Variants in SYBU observed in about 807,000 individuals in gnomAD.
SYBU encodes the protein GOLSYN A protein.
Under a neutral mutation model 35.9 loss-of-function variants are expected in SYBU, and 21 were observed. The observed-to-expected ratio is 0.58, with a 90% CI of 0.41 to 0.84. SYBU has a LOEUF of 0.84. Among genes scored for constraint, SYBU ranks in the 40% least tolerant of loss-of-function variants. SYBU has a pLI of 0.00. For synonymous variants in SYBU, 319 were observed against 324.3 expected (o/e 0.98, Z 0.18); for missense variants, 768 against 848.2 (o/e 0.91, Z 1.17).
chr8:109,669,599 T>C (rs1165372261), intron 1 of SYBU, among the ~76,000 whole-genome samples: 2 of 152,290 alleles, frequency 1.3e-5, no homozygotes, highest in Admixed American at 6.5e-5. Flanking sequence ...TAAATTCACT[T>C]ATACCAATTA....
rs150956392 is a variant in SYBU, at chr8:109,574,999, C to T, written c.1899G>A (p.Thr633=). The T allele has an allele frequency of 1.4e-4, 215 of 1,581,186 alleles. No individual in the cohort carries two copies. In the African/African-American group the frequency reaches 2.2e-3, roughly 16 times the overall value. Residue 633 remains threonine, a synonymous_variant, in exon 7 of 7, where the codon ACG becomes ACA. Coordinates refer to ENST00000276646, the MANE Select transcript of SYBU (RefSeq NM_001099754.2). ...AGGCCCCGATGTTATACACAGGATC[C>T]GTTCCCCCTCTCTGAGTACTGAATG... ...LWAFSTQRGG[T]DPVYNIGALL... is the part of the protein sequence containing the mutation.
chr8:109,622,279 T>A (rs1812510576), intron 2 of SYBU, among the ~76,000 whole-genome samples: 1 of 152,090 alleles, frequency 6.6e-6, no homozygotes, highest in African/African-American at 2.4e-5. Flanking sequence ...TCGCCTAGGC[T>A]GCAGTGCAGT....
chr8:109,577,221 C>T (rs950658500), intron 6 of SYBU, among the ~76,000 whole-genome samples: 3 of 152,126 alleles, frequency 2.0e-5, no homozygotes, highest in African/African-American at 4.8e-5. Flanking sequence ...CCACCCTCAC[C>T]CTGAGCTCAC....
intron 1 of SYBU, among the ~76,000 whole-genome samples, chr8:109,650,759 T>A (rs1816097608): frequency 1.3e-5 from 2 of 152,232 alleles, no homozygotes. Flanking sequence ...CATGTGTCCT[T>A]TTTAGCTACT....
intron 1 of SYBU, among the ~76,000 whole-genome samples, chr8:109,675,200 A>C (rs2130772835): frequency 6.6e-6 from 1 of 152,342 alleles, no homozygotes; most frequent in East Asian, 1.9e-4. Flanking sequence ...CAGATCTAAA[A>C]TTGACACCCT....
At chr8:109,655,509 A>C (rs1195393876) in intron 1 of SYBU, among the ~76,000 whole-genome samples, 1 of 152,234 alleles carries the variant, frequency 6.6e-6, no homozygotes, top group Non-Finnish European at 1.5e-5. Flanking sequence ...TCTGCCAAAG[A>C]AAATACATAC....
chr8:109,606,848 T>TTTTA (rs775131224), intron 3 of SYBU, among the ~76,000 whole-genome samples: 610 of 152,266 alleles, frequency 4.0e-3, no homozygotes, highest in Non-Finnish European at 6.6e-3. Flanking sequence ...AGTGTGCCCT[T>TTTTA]TGCCTAAGTA....
At position 109,574,080 on chromosome 8, in the gene SYBU, A is replaced by T. The variant is rs1821945055; in HGVS notation, c.*826T>A. 1.3e-5 allele frequency: 2 copies of T among 152,210 alleles called. No homozygotes were observed. Among genetic ancestry groups the T allele is most frequent in the Admixed American group, 1.3e-4 (2 of 15,286 alleles). The allele number at this position is 152,210 out of a possible 1,614,324, so 9.4% of individuals were successfully genotyped here. Reference sequence around the variant, plus strand: ...TAACTAACTCTTTTTCCCTCTTCCTAATTTAATTCAATTTTTACAGACCCC... The same window carrying T: ...TAACTAACTCTTTTTCCCTCTTCCTTATTTAATTCAATTTTTACAGACCCC... On this transcript the variant is annotated 3_prime_UTR_variant, in exon 7 of 7. Coordinates refer to ENST00000276646, the MANE Select transcript of SYBU (RefSeq NM_001099754.2).
chr8:109,603,181 G>C (rs1324868054), intron 3 of SYBU, among the ~76,000 whole-genome samples: 1 of 152,232 alleles, frequency 6.6e-6, no homozygotes, highest in Non-Finnish European at 1.5e-5. Context: ...AAAGAGCTCT[G>C]TCTCCAGCAG....
intron 1 of SYBU, among the ~76,000 whole-genome samples, chr8:109,664,190 T>C (rs755453586): frequency 1.3e-5 from 2 of 152,174 alleles, no homozygotes; most frequent in Non-Finnish European, 2.9e-5. Context: ...TACTGATTAA[T>C]GGCCCATGAC....
chr8:109,681,961 G>A (rs1246873691), upstream of SYBU, among the ~76,000 whole-genome samples: 1 of 152,128 alleles, frequency 6.6e-6, no homozygotes, highest in Non-Finnish European at 1.5e-5. Flanking sequence ...ACTTCTTACT[G>A]CTGCTACGTG....
intron 2 of SYBU, among the ~76,000 whole-genome samples, chr8:109,626,965 C>T (rs1813050466): frequency 6.6e-6 from 1 of 152,240 alleles, no homozygotes; most frequent in South Asian, 2.1e-4. Context: ...CAAGAAGCAT[C>T]TCTAAAACTG....
chr8:109,606,784 C>T (rs573204584), intron 3 of SYBU, among the ~76,000 whole-genome samples: 3 of 152,254 alleles, frequency 2.0e-5, no homozygotes, highest in Admixed American at 2.0e-4. Flanking sequence ...TTTCACTGTT[C>T]TGGGCAATTA....
intron 3 of SYBU, among the ~76,000 whole-genome samples, chr8:109,610,338 T>C (rs964208108): frequency 2.0e-5 from 3 of 152,194 alleles, no homozygotes; most frequent in African/African-American, 4.8e-5. Flanking sequence ...AGCAAACACT[T>C]AATAAATATT....
upstream of SYBU, among the ~76,000 whole-genome samples, chr8:109,682,425 G>A (rs1817422515): frequency 6.6e-6 from 1 of 152,160 alleles, no homozygotes; most frequent in African/African-American, 2.4e-5. Context: ...ACTTGTTGGG[G>A]CCTAGAGTAA....
chr8:109,660,230 T>C (rs1361140838), intron 1 of SYBU, among the ~76,000 whole-genome samples: 2 of 152,210 alleles, frequency 1.3e-5, no homozygotes, highest in Non-Finnish European at 2.9e-5. Context: ...CAGCTATTCA[T>C]AAGTTCTTTA....
rs115516622 is a variant in SYBU at position 109,607,471 on chromosome 8, C to A, written c.427+11371G>T. ...TTTCAGCCTACACAGAGGCCCACTT[C>A]AAACTATGTGCAGTGCCAATTAGCG... is the stretch of plus-strand genomic sequence containing the variant. On this transcript the variant is annotated intron_variant, in intron 3 of 6. Transcript: ENST00000276646. Among the ~76,000 whole-genome samples the A allele has an allele frequency of 8.1e-3, 1,240 of 152,264 alleles. 9 individuals are homozygous for A. The highest frequency in any genetic ancestry group is 0.028 in the African/African-American group (1,182 of 41,546).
chr8:109,616,329 A>C (rs1811789387), intron 3 of SYBU, among the ~76,000 whole-genome samples: 1 of 151,732 alleles, frequency 6.6e-6, no homozygotes, highest in African/African-American at 2.4e-5. Flanking sequence ...TGATTTCCTC[A>C]TGAAGATGGA....
In SYBU at chr8:109,575,449, C is replaced by G. The variant is rs1356151646; in HGVS notation, c.1449G>C (p.Val483=). ...CGTCGGTCTGAACGGCTCGCTCCAC[C>G]ACCACACTGCCCTCCTCCTGACCCA... The part of the protein sequence containing the change: ...IVMGQEEGSV[V]VERAVQTDVV... The change falls in exon 7 of 7, where the codon GTG becomes GTC. Residue 483 remains valine, a synonymous_variant. Transcript: ENST00000276646. 2 of 1,614,036 alleles carry G rather than the reference C, an allele frequency of 1.2e-6. No homozygotes were observed. Among genetic ancestry groups the G allele is most frequent in the East Asian group, 2.2e-5 (1 of 44,866 alleles).
Sources: allele counts gnomAD v4.1 joint callset (sites outside exome capture counted in the v4.1 genomes callset), GRCh38; gene constraint gnomAD v4.1.1; transcripts MANE v1.5; gene names NCBI Gene and HGNC (gene_info 2026-07-23, HGNC 2026-07-21).